The following EFHD1 variants were observed in gnomAD, a reference collection of about 807,000 sequenced individuals.
EFHD1 encodes the protein EF-hand domain-containing protein D1.
A neutral mutation model predicts 17.2 loss-of-function variants in EFHD1; 10 were observed. The observed-to-expected ratio is 0.58, with a 90% confidence interval of 0.36 to 0.99. The LOEUF is 0.99. Ranked by LOEUF, EFHD1 falls within the 50% of genes least tolerant of loss-of-function variation. The probability of loss-of-function intolerance (pLI) is 0.01; values close to 1 mark genes in which losing one functional copy is unlikely to be tolerated. For missense variants in EFHD1, 310 were observed against 327.5 expected (o/e 0.95, Z 0.41); for synonymous variants, 153 against 142.0 (o/e 1.08, Z -0.55).
intron 1 of EFHD1, among the ~76,000 whole-genome samples, chr2:232,653,988 C>T (rs2106205915): frequency 6.6e-6 from 1 of 152,162 alleles, no homozygotes; most frequent in Non-Finnish European, 1.5e-5. Context: ...AGGCAGATCA[C>T]CTGAGGTCAG....
At chr2:232,613,643 C>CACAAAA (rs761145052) in intron 1 of EFHD1, among the ~76,000 whole-genome samples, 1 of 135,360 alleles carries the variant, frequency 7.4e-6, no homozygotes, top group Non-Finnish European at 1.6e-5. Flanking sequence ...TATACACACA[C>CACAAAA]ATACACACAC....
At chr2:232,634,941 C>A (rs1423696763) in intron 1 of EFHD1, among the ~76,000 whole-genome samples, 1 of 152,236 alleles carries the variant, frequency 6.6e-6, no homozygotes, top group Non-Finnish European at 1.5e-5. Flanking sequence ...TTTAAAAGCG[C>A]ATGGAATGTG....
rs1693755341 is a variant in EFHD1 at position 232,608,295 on chromosome 2, G to A, written c.14+2122G>A. Among the ~76,000 whole-genome samples the A allele has an allele frequency of 2.6e-5, 4 of 152,148 alleles. No individual in the cohort carries two copies. In the South Asian group the frequency reaches 6.2e-4, roughly 24 times the overall value. ...TGAGGTGGGAGAATCACTTGAATCC[G>A]GGAGGCGGAGGTTGCAGTGAGTCAA... On this transcript the variant is annotated intron_variant, in intron 1 of 3. Transcript: ENST00000409613.
rs551357268 is a variant in EFHD1, at chr2:232,676,985, G to A, written c.585+4542G>A. Among the ~76,000 whole-genome samples the A allele has an allele frequency of 6.2e-3, 935 of 151,770 alleles. 9 individuals are homozygous for A. Among genetic ancestry groups the A allele is most frequent in the African/African-American group, 0.022 (893 of 41,220 alleles). ...ACTGGACCACAGCCTGGGCAACAGA[G>A]CAAGACCCTGCCTCTAAAACAAAAC... On this transcript the variant is annotated intron_variant, in intron 3 of 3. Transcript: ENST00000264059.
intron 1 of EFHD1, among the ~76,000 whole-genome samples, chr2:232,660,202 ATTT>A (rs56053756): frequency 1.4e-5 from 2 of 142,414 alleles, no homozygotes; most frequent in Non-Finnish European, 3.1e-5. Context: ...TTATTTATTT[ATTT>A]TTTTTTTGAG....
intron 1 of EFHD1, among the ~76,000 whole-genome samples, chr2:232,618,550 T>C (rs11693701): frequency 0.33 from 49,220 of 151,056 alleles, 9,545 homozygotes; most frequent in Middle Eastern, 0.49. Flanking sequence ...GTTGAGACCC[T>C]GTCTCTACTA....
intron 1 of EFHD1, among the ~76,000 whole-genome samples, chr2:232,658,780 G>T (rs1281984038): frequency 2.6e-5 from 4 of 152,108 alleles, no homozygotes; most frequent in Admixed American, 2.6e-4. Context: ...CTGCTAATGG[G>T]TATCAGTTTC....
chr2:232,624,290 A>G (rs1694071252), intron 1 of EFHD1, among the ~76,000 whole-genome samples: 1 of 152,304 alleles, frequency 6.6e-6, no homozygotes, highest in Middle Eastern at 3.4e-3. Flanking sequence ...AAGTCCCTAA[A>G]GTCCCCCAGC....
At chr2:232,631,918 A>G (rs577379809), upstream of EFHD1, among the ~76,000 whole-genome samples, 7 of 151,824 alleles carry the variant, frequency 4.6e-5, no homozygotes, top group African/African-American at 1.4e-4. Flanking sequence ...CAGGGGAATC[A>G]CTTGAACCCA....
chr2:232,619,188 TAAAC>T (rs147273584), intron 1 of EFHD1, among the ~76,000 whole-genome samples: 18,586 of 97,482 alleles, frequency 0.19, 1,653 homozygotes, highest in East Asian at 0.55. Context: ...AATAAATAAA[TAAAC>T]AAACAAACAA....
Position 232,681,624 on chromosome 2 carries a change from T to G in EFHD1, c.625T>G (p.Leu209Val), listed in dbSNP as rs926183539. The change falls in exon 4 of 4, where the codon TTG becomes GTG. Residue 209 changes from leucine to valine, a missense_variant. Leu to Val is a conservative substitution (Grantham distance 32, BLOSUM62 1). Transcript: ENST00000264059. Reference sequence around the variant, plus strand: ...ATCGGCCAGTAAGTTTGAAGCAGAGTTGAAAGCTGAGCAAGATGAGCGGAA... The same window carrying G: ...ATCGGCCAGTAAGTTTGAAGCAGAGGTGAAAGCTGAGCAAGATGAGCGGAA... ...LSSASKFEAE[L>V]KAEQDERKRE... 1 of 1,614,114 alleles carries G rather than the reference T, an allele frequency of 6.2e-7. No individual in the cohort carries two copies. The highest frequency in any genetic ancestry group is 1.1e-5 in the South Asian group (1 of 91,082).
At chr2:232,631,262 TTCTC>T (rs372033136), upstream of EFHD1, among the ~76,000 whole-genome samples, 15 of 148,992 alleles carry the variant, frequency 1.0e-4, no homozygotes, top group Admixed American at 4.0e-4. Flanking sequence ...CATGCAAAGT[TTCTC>T]TCTCTCTCTC....
chr2:232,620,336 A>G (rs1180788787), intron 1 of EFHD1, among the ~76,000 whole-genome samples: 2 of 150,686 alleles, frequency 1.3e-5, no homozygotes, highest in Non-Finnish European at 3.0e-5. Context: ...TGCAGTGAGC[A>G]GAGATAGCGC....
chr2:232,672,510 G>C (rs1051897681), intron 3 of EFHD1, 67 bp downstream of exon 3: 4 of 1,527,640 alleles, frequency 2.6e-6, no homozygotes, highest in Admixed American at 2.2e-5. Context: ...CCAGACTGCA[G>C]CTGTCATTTT....
intron 3 of EFHD1, 89 bp from the exon 4 acceptor site, chr2:232,681,496 C>T: frequency 2.0e-6 from 3 of 1,534,284 alleles, no homozygotes; most frequent in Admixed American, 1.9e-5. Flanking sequence ...TCTAGGTCTG[C>T]TGAATGGGCT....
chr2:232,637,502 C>T (rs1024532647), intron 1 of EFHD1, among the ~76,000 whole-genome samples: 4 of 152,016 alleles, frequency 2.6e-5, no homozygotes, highest in African/African-American at 7.2e-5. Flanking sequence ...CACCACCATG[C>T]CCAGGTAATT....
chr2:232,619,542 C>T (rs1190466507), intron 1 of EFHD1, among the ~76,000 whole-genome samples: 1 of 152,006 alleles, frequency 6.6e-6, no homozygotes, highest in Non-Finnish European at 1.5e-5. Context: ...AACTCCTGAC[C>T]TCAGGTGATC....
At chr2:232,677,881 TATTG>T (rs1298304844) in intron 3 of EFHD1, among the ~76,000 whole-genome samples, 2 of 152,218 alleles carry the variant, frequency 1.3e-5, no homozygotes, top group African/African-American at 2.4e-5. Context: ...TCTCTGAAGC[TATTG>T]ATTCTGATAA....
intron 1 of EFHD1, among the ~76,000 whole-genome samples, chr2:232,607,917 G>A (rs1333912456): frequency 6.9e-6 from 1 of 143,958 alleles, no homozygotes; most frequent in Non-Finnish European, 1.5e-5. Context: ...AACACAGCAA[G>A]ACCCTGTCTC....
Sources: gnomAD v4.1 joint callset for allele counts (sites outside exome capture counted in the v4.1 genomes callset) on GRCh38, gnomAD v4.1.1 for gene constraint, MANE v1.5 for transcripts, NCBI Gene and HGNC (gene_info 2026-07-23, HGNC 2026-07-21) for gene names.